The following TRMT11 variants were observed in gnomAD, a reference collection of about 807,000 sequenced individuals.
The protein encoded by TRMT11 is tRNA methyltransferase 11.
A neutral mutation model predicts 62.8 loss-of-function variants in TRMT11; 53 were observed. The ratio of observed to expected loss-of-function variants is 0.84; its 90% CI spans 0.68 to 1.06. The LOEUF is 1.06. TRMT11 is among the 50% of genes least tolerant of loss of function. The pLI is 0.00. For missense variants in TRMT11, 556 were observed against 553.4 expected, an observed-to-expected ratio of 1.00 and a Z score of -0.05; for synonymous variants, 188 against 190.3, an observed-to-expected ratio of 0.99 and a Z score of 0.10.
intron 17 of TRMT11, among the ~76,000 whole-genome samples, chr6:126,075,552 A>G (rs1776997769): frequency 6.6e-6 from 1 of 151,270 alleles, no homozygotes; most frequent in Non-Finnish European, 1.5e-5. Flanking sequence ...TTCCTCCATG[A>G]TTGTAAGTTT....
intron 16 of TRMT11, among the ~76,000 whole-genome samples, chr6:126,046,755 A>G (rs1776072430): frequency 6.6e-6 from 1 of 152,204 alleles, no homozygotes; most frequent in Admixed American, 6.5e-5. Context: ...AGGAAAGTTA[A>G]CATGACCACA....
chr6:125,993,863 A>C (rs1223805004), intron 2 of TRMT11, 41 bp downstream of exon 2: 1 of 1,214,656 alleles, frequency 8.2e-7, no homozygotes, highest in Non-Finnish European at 1.2e-6. Flanking sequence ...GTATACTTAG[A>C]AATAGAGCCT....
chr6:126,033,814 C>T (rs969658673), intron 12 of TRMT11, among the ~76,000 whole-genome samples: 93 of 152,240 alleles, frequency 6.1e-4, no homozygotes, highest in African/African-American at 2.2e-3. Flanking sequence ...ATGCTCCAGC[C>T]AGCAGAGGGT....
chr6:126,122,332 T>G (rs1195952075), intron 21 of TRMT11, among the ~76,000 whole-genome samples: 1 of 152,024 alleles, frequency 6.6e-6, no homozygotes, highest in Non-Finnish European at 1.5e-5. Context: ...GAAGAAAAAG[T>G]TTTTCTCTGA....
At chr6:126,178,041 A>G (rs1427990997) in intron 1 of TRMT11, among the ~76,000 whole-genome samples, 1 of 152,214 alleles carries the variant, frequency 6.6e-6, no homozygotes, top group East Asian at 1.9e-4. Context: ...GTTATATTTT[A>G]AAATTTCAAG....
At chr6:126,202,871 C>T (rs1003938310), downstream of TRMT11, among the ~76,000 whole-genome samples, 1 of 152,124 alleles carries the variant, frequency 6.6e-6, no homozygotes, top group East Asian at 1.9e-4. Flanking sequence ...TGTTCTCTGA[C>T]AGCTGATGAC....
the TRMT11 span, among the ~76,000 whole-genome samples, chr6:126,229,092 G>T: frequency 6.6e-6 from 1 of 152,124 alleles, no homozygotes; most frequent in Admixed American, 6.6e-5. Flanking sequence ...ATCTTTTAAT[G>T]AAATTTGTTG....
At chr6:126,053,850 A>G (rs1185709509) in intron 17 of TRMT11, among the ~76,000 whole-genome samples, 3 of 152,196 alleles carry the variant, frequency 2.0e-5, no homozygotes, top group Non-Finnish European at 4.4e-5. Flanking sequence ...AGCCTGAGAG[A>G]TGACATCTAA....
At chr6:126,204,724 T>G (rs1778773434), downstream of TRMT11, among the ~76,000 whole-genome samples, 1 of 152,202 alleles carries the variant, frequency 6.6e-6, no homozygotes, top group Non-Finnish European at 1.5e-5. Context: ...TACAGTTCTT[T>G]GTGTCTATCT....
intron 17 of TRMT11, among the ~76,000 whole-genome samples, chr6:126,092,784 A>G (rs1025450615): frequency 6.6e-6 from 1 of 152,122 alleles, no homozygotes; most frequent in Non-Finnish European, 1.5e-5. Flanking sequence ...ATTTTTACCA[A>G]TCCAGTGTTT....
chr6:125,992,468 A>G (rs1790775590), intron 1 of TRMT11, among the ~76,000 whole-genome samples: 1 of 152,210 alleles, frequency 6.6e-6, no homozygotes, highest in African/African-American at 2.4e-5. Context: ...TTTAAGTGCT[A>G]TAACTCTATC....
chr6:126,047,106 A>G (rs761505648), intron 16 of TRMT11, among the ~76,000 whole-genome samples: 6 of 151,980 alleles, frequency 3.9e-5, no homozygotes, highest in Non-Finnish European at 8.8e-5. Flanking sequence ...CTGAAAAACA[A>G]CTAAGTATTA....
intron 17 of TRMT11, among the ~76,000 whole-genome samples, chr6:126,092,199 A>C (rs1409030831): frequency 6.6e-6 from 1 of 151,088 alleles, no homozygotes; most frequent in African/African-American, 2.4e-5. Flanking sequence ...TTTAGTTTTA[A>C]TTTTAATTCA....
intron 3 of TRMT11, among the ~76,000 whole-genome samples, chr6:126,200,677 C>A (rs1034943168): frequency 1.3e-5 from 2 of 152,184 alleles, no homozygotes; most frequent in Non-Finnish European, 2.9e-5. Context: ...GCCTCAGCCT[C>A]CCAAGTAGCT....
At chr6:126,000,127 A>G (rs540676594) in intron 7 of TRMT11, among the ~76,000 whole-genome samples, 60 of 152,312 alleles carry the variant, frequency 3.9e-4, no homozygotes, top group African/African-American at 1.3e-3. Context: ...CAAAGTATCA[A>G]TGGGCTAGAT....
chr6:126,183,415 G>T (rs1583902092), intron 1 of TRMT11, among the ~76,000 whole-genome samples: 1 of 152,186 alleles, frequency 6.6e-6, no homozygotes, highest in Non-Finnish European at 1.5e-5. Flanking sequence ...GTGTTGGGGT[G>T]TTGCATTGAC....
chr6:126,153,926 A>G (rs534136150), intron 21 of TRMT11, among the ~76,000 whole-genome samples: 1 of 152,208 alleles, frequency 6.6e-6, no homozygotes, highest in East Asian at 1.9e-4. Flanking sequence ...TTTCATTGAC[A>G]TACCCAGGCT....
intron 19 of TRMT11, among the ~76,000 whole-genome samples, chr6:126,114,957 T>C (rs375028488): frequency 3.8e-4 from 58 of 152,164 alleles, no homozygotes; most frequent in African/African-American, 1.3e-3. Context: ...GCTGTATTGA[T>C]TAACTTTCCA....
At chr6:126,148,389 G>A (rs899396957) in intron 21 of TRMT11, among the ~76,000 whole-genome samples, 4 of 152,148 alleles carry the variant, frequency 2.6e-5, no homozygotes, top group Non-Finnish European at 5.9e-5. Flanking sequence ...AATTACATGC[G>A]TTCTTTCTCA....
Sources: gnomAD v4.1 joint callset for allele counts (sites outside exome capture counted in the v4.1 genomes callset) on GRCh38, gnomAD v4.1.1 for gene constraint, MANE v1.5 for transcripts, NCBI Gene and HGNC (gene_info 2026-07-23, HGNC 2026-07-21) for gene names.